The following PLPPR5 variants were observed in gnomAD, a reference collection of about 807,000 sequenced individuals.
PLPPR5 encodes the protein phospholipid phosphatase-related protein type 5.
Under a neutral mutation model 33.9 loss-of-function variants are expected in PLPPR5, and 16 were observed. The ratio of observed to expected loss-of-function variants is 0.47; its 90% CI spans 0.32 to 0.72. The LOEUF (loss-of-function observed/expected upper bound fraction) is 0.72. PLPPR5 is among the 30% of genes least tolerant of loss of function. The pLI, the probability that PLPPR5 is intolerant of heterozygous loss-of-function variation, is 0.03. For synonymous variants in PLPPR5, 163 were observed against 150.3 expected, an observed-to-expected ratio of 1.08 and a Z score of -0.62; for missense variants, 301 against 406.7, an observed-to-expected ratio of 0.74 and a Z score of 2.23.
intron 3 of PLPPR5, among the ~76,000 whole-genome samples, chr1:98,933,956 G>A (rs191067050): frequency 6.6e-6 from 1 of 152,296 alleles, no homozygotes. Flanking sequence ...CAAAAGGAGA[G>A]GGGGTAGTGT....
chr1:98,924,309 T>C (rs1469655955), intron 3 of PLPPR5, among the ~76,000 whole-genome samples: 1 of 152,142 alleles, frequency 6.6e-6, no homozygotes, highest in Non-Finnish European at 1.5e-5. Flanking sequence ...TTGATGATTG[T>C]GGTGGCACTG....
At chr1:98,899,752 G>A (rs754997023) in intron 5 of PLPPR5, among the ~76,000 whole-genome samples, 20 of 148,226 alleles carry the variant, frequency 1.3e-4, no homozygotes, top group South Asian at 2.1e-4. Flanking sequence ...TCCGCCTCCC[G>A]GGTTCAAGCA....
chr1:98,899,698 G>A (rs181165785), intron 5 of PLPPR5, among the ~76,000 whole-genome samples: 1,955 of 132,400 alleles, frequency 0.015, 16 homozygotes, highest in Middle Eastern at 0.023. Flanking sequence ...TTGCTCTGTC[G>A]CCCAGGCTGT....
chr1:99,004,011 C>T (rs957115795), intron 1 of PLPPR5, among the ~76,000 whole-genome samples: 2 of 152,176 alleles, frequency 1.3e-5, no homozygotes, highest in Non-Finnish European at 2.9e-5. Context: ...CAATTGATCC[C>T]CTCTCTCCTC....
chr1:98,972,405 T>A (rs993852243), intron 1 of PLPPR5, among the ~76,000 whole-genome samples: 2 of 152,112 alleles, frequency 1.3e-5, no homozygotes, highest in Admixed American at 6.6e-5. Context: ...AAAATCTCAA[T>A]CAAGTTTTCT....
intron 3 of PLPPR5, among the ~76,000 whole-genome samples, chr1:98,937,935 C>T (rs778961597): frequency 1.3e-5 from 2 of 152,046 alleles, no homozygotes; most frequent in Non-Finnish European, 2.9e-5. Flanking sequence ...ACTTTTGTTA[C>T]ATAATCTGTA....
chr1:99,003,370 T>C (rs1241434710), intron 1 of PLPPR5, among the ~76,000 whole-genome samples: 2 of 151,924 alleles, frequency 1.3e-5, no homozygotes, highest in African/African-American at 4.8e-5. Flanking sequence ...ATTTAGCTAC[T>C]GAAAATAAAA....
chr1:98,935,034 G>A (rs747538270), intron 3 of PLPPR5, among the ~76,000 whole-genome samples: 1 of 152,112 alleles, frequency 6.6e-6, no homozygotes, highest in African/African-American at 2.4e-5. Flanking sequence ...ATTCACAGAG[G>A]GGCTTCTGGA....
intron 3 of PLPPR5, among the ~76,000 whole-genome samples, chr1:98,952,865 C>A (rs1302034077): frequency 6.6e-6 from 1 of 152,170 alleles, no homozygotes; most frequent in African/African-American, 2.4e-5. Context: ...ATACAACCAA[C>A]TACCCACACA....
intron 1 of PLPPR5, among the ~76,000 whole-genome samples, chr1:98,992,969 A>G (rs1171494005): frequency 1.3e-5 from 2 of 152,102 alleles, no homozygotes; most frequent in African/African-American, 4.8e-5. Flanking sequence ...GTCATAGGTT[A>G]GCCACTTAAT....
chr1:99,001,892 A>C (rs1433621754), intron 1 of PLPPR5, among the ~76,000 whole-genome samples: 1 of 151,660 alleles, frequency 6.6e-6, no homozygotes, highest in Non-Finnish European at 1.5e-5. Context: ...AAGATACTTA[A>C]TCTTTCTAAG....
At chr1:98,950,480 C>T (rs1349566811) in intron 3 of PLPPR5, among the ~76,000 whole-genome samples, 1 of 152,032 alleles carries the variant, frequency 6.6e-6, no homozygotes, top group East Asian at 1.9e-4. Flanking sequence ...CAAATACATG[C>T]CAGTGGCCAG....
At chr1:98,954,211 G>A (rs1650919438) in intron 2 of PLPPR5, among the ~76,000 whole-genome samples, 1 of 151,960 alleles carries the variant, frequency 6.6e-6, no homozygotes, top group East Asian at 1.9e-4. Context: ...TATTATACGG[G>A]CAAAATAATT....
At chr1:98,906,483 A>C (rs1289389943) in intron 5 of PLPPR5, among the ~76,000 whole-genome samples, 1 of 152,058 alleles carries the variant, frequency 6.6e-6, no homozygotes, top group East Asian at 1.9e-4. Flanking sequence ...ACTTGTCTGG[A>C]AAATGATCTT....
chr1:98,999,267 T>C (rs138333365), intron 1 of PLPPR5, among the ~76,000 whole-genome samples: 3 of 152,346 alleles, frequency 2.0e-5, no homozygotes, highest in Admixed American at 6.5e-5. Context: ...GGCACTGCTC[T>C]GATACTTACA....
Position 98,893,086 on chromosome 1 carries a change from C to T in PLPPR5, c.952G>A (p.Ala318Thr), listed in dbSNP as rs369611724. The change falls in exon 6 of 6, where the codon GCA becomes ACA. Residue 318 changes from alanine (A) to threonine (T), a missense_variant. By Grantham distance (58) the Ala-to-Thr change is moderately conservative (BLOSUM62 0). Transcript: ENST00000263177. ...CTGCTTCGATATCATGTGACTTCTG[C>T]GAAGGCAGTGATGTGGTTCTGCAAA... is the stretch of plus-strand genomic sequence containing the variant. ...TSVQNHITAF[A>T]EVT The T allele has an allele frequency of 3.4e-5, 54 of 1,610,608 alleles. No individual in the cohort carries two copies. Among genetic ancestry groups the T allele is most frequent in the Non-Finnish European group, 4.2e-5 (49 of 1,178,146 alleles).
At chr1:98,941,990 G>GTATATA (rs59224131) in intron 3 of PLPPR5, among the ~76,000 whole-genome samples, 14 of 146,904 alleles carry the variant, frequency 9.5e-5, no homozygotes, top group African/African-American at 3.0e-4. Context: ...ATATGTATAC[G>GTATATA]TATATATATA....
At chr1:98,954,402 G>A (rs1650925037) in intron 2 of PLPPR5, among the ~76,000 whole-genome samples, 2 of 152,036 alleles carry the variant, frequency 1.3e-5, no homozygotes, top group East Asian at 3.9e-4. Flanking sequence ...GGTTACAATA[G>A]TTAGATGTTT....
intron 5 of PLPPR5, among the ~76,000 whole-genome samples, chr1:98,902,314 G>A (rs1648723410): frequency 6.6e-6 from 1 of 151,856 alleles, no homozygotes; most frequent in Non-Finnish European, 1.5e-5. Context: ...GGGAAATTCT[G>A]TGTTCAACAC....
Sources: gnomAD v4.1 joint callset for allele counts (sites outside exome capture counted in the v4.1 genomes callset) on GRCh38, gnomAD v4.1.1 for gene constraint, MANE v1.5 for transcripts, NCBI Gene and HGNC (gene_info 2026-07-23, HGNC 2026-07-21) for gene names.